The following SMYD3 variants were observed in gnomAD, a reference collection of about 807,000 sequenced individuals.
SMYD3 encodes the protein histone-lysine N-methyltransferase SMYD3.
A neutral mutation model predicts 57.7 loss-of-function variants in SMYD3; 36 were observed. The ratio of observed to expected loss-of-function variants is 0.62; its 90% CI spans 0.48 to 0.82. The LOEUF (loss-of-function observed/expected upper bound fraction) is 0.82. Among genes scored for constraint, SMYD3 ranks in the 40% least tolerant of loss-of-function variants. SMYD3 has a pLI of 0.00. For synonymous variants in SMYD3, 211 were observed against 195.0 expected (o/e 1.08, Z -0.68); for missense variants, 515 against 538.8 (o/e 0.96, Z 0.44).
chr1:246,086,030 G>C (rs2060715971), intron 5 of SMYD3, among the ~76,000 whole-genome samples: 3 of 151,334 alleles, frequency 2.0e-5, no homozygotes, highest in Admixed American at 2.0e-4. Flanking sequence ...CAAGAATCTA[G>C]CATGCCGAAT....
At chr1:246,470,524 T>A (rs200188325) in intron 1 of SMYD3, among the ~76,000 whole-genome samples, 16,301 of 144,772 alleles carry the variant, frequency 0.11, 1,022 homozygotes, top group East Asian at 0.26. Flanking sequence ...AAAAAAAATA[T>A]ATATATATAT....
At chr1:246,158,256 T>C (rs143825146) in intron 5 of SMYD3, among the ~76,000 whole-genome samples, 228 of 152,360 alleles carry the variant, frequency 1.5e-3, no homozygotes, top group Non-Finnish European at 2.9e-3. Context: ...CGTTGGTTTG[T>C]AATTGATGTA....
intron 5 of SMYD3, among the ~76,000 whole-genome samples, chr1:246,036,090 G>C (rs1392031530): frequency 6.6e-6 from 1 of 152,168 alleles, no homozygotes; most frequent in African/African-American, 2.4e-5. Flanking sequence ...AAAAATTTAA[G>C]AAACAGTACC....
At chr1:246,014,061 A>G (rs1203620534) in intron 5 of SMYD3, among the ~76,000 whole-genome samples, 1 of 152,350 alleles carries the variant, frequency 6.6e-6, no homozygotes, top group Middle Eastern at 3.4e-3. Context: ...GTGGTGGCTC[A>G]CGCCTGTAAT....
At chr1:246,155,930 T>C (rs934682746) in intron 5 of SMYD3, among the ~76,000 whole-genome samples, 2 of 151,870 alleles carry the variant, frequency 1.3e-5, no homozygotes, top group African/African-American at 2.4e-5. Flanking sequence ...GAGGTTGCAA[T>C]GAGCCAAGAT....
intron 5 of SMYD3, among the ~76,000 whole-genome samples, chr1:246,272,474 A>AT (rs1207399987): frequency 6.6e-6 from 1 of 152,052 alleles, no homozygotes; most frequent in Non-Finnish European, 1.5e-5. Flanking sequence ...GTGTTCAGTG[A>AT]TTTTTGTCAT....
intron 1 of SMYD3, among the ~76,000 whole-genome samples, chr1:246,434,844 C>T (rs552623371): frequency 2.0e-5 from 3 of 152,110 alleles, no homozygotes; most frequent in Admixed American, 6.6e-5. Context: ...GACACATGTA[C>T]GTATATGTTT....
chr1:245,842,343 T>C (rs1486884456), intron 10 of SMYD3, among the ~76,000 whole-genome samples: 1 of 152,202 alleles, frequency 6.6e-6, no homozygotes, highest in Non-Finnish European at 1.5e-5. Flanking sequence ...TGAACTGGCT[T>C]TTGATGAATT....
At chr1:246,072,389 TCACTGTGGCTGCA>T (rs1394348616) in intron 5 of SMYD3, among the ~76,000 whole-genome samples, 1 of 151,394 alleles carries the variant, frequency 6.6e-6, no homozygotes. Context: ...TCCACTGTGC[TCACTGTGGCTGCA>T]TCCTGTTAGT....
intron 10 of SMYD3, among the ~76,000 whole-genome samples, chr1:245,805,274 TTTA>T (rs141365920): frequency 0.047 from 7,111 of 152,156 alleles, 588 homozygotes; most frequent in African/African-American, 0.16. Context: ...GAGGGGCAAG[TTTA>T]TTATGTCCTC....
chr1:245,982,592 GGTTTT>G (rs2058620918), intron 5 of SMYD3, among the ~76,000 whole-genome samples: 1 of 152,004 alleles, frequency 6.6e-6, no homozygotes, highest in Non-Finnish European at 1.5e-5. Context: ...TTCTAATTCA[GGTTTT>G]GTTTTGTTTT....
chr1:246,088,433 C>A (rs908461819), intron 5 of SMYD3, among the ~76,000 whole-genome samples: 1 of 148,604 alleles, frequency 6.7e-6, no homozygotes, highest in South Asian at 2.2e-4. Context: ...CACGGTGAAA[C>A]CCCGTCTCTA....
chr1:246,437,485 G>A (rs1005678979), intron 1 of SMYD3, among the ~76,000 whole-genome samples: 2 of 152,162 alleles, frequency 1.3e-5, no homozygotes, highest in African/African-American at 2.4e-5. Context: ...CAAGCTAGCC[G>A]ATTGCCCTAT....
At chr1:246,081,201 T>C (rs1426889336) in intron 5 of SMYD3, among the ~76,000 whole-genome samples, 1 of 152,084 alleles carries the variant, frequency 6.6e-6, no homozygotes, top group Non-Finnish European at 1.5e-5. Context: ...AAAGTCAAAA[T>C]CTAAATCCCT....
Position 246,144,154 on chromosome 1 carries a change from C to T in SMYD3, c.531+183047G>A, listed in dbSNP as rs146967420. 1.3e-3 allele frequency among the ~76,000 whole-genome samples: 192 copies of T among 152,290 alleles called. 2 individuals carry two copies. Among genetic ancestry groups the T allele is most frequent in the African/African-American group, 4.2e-3 (175 of 41,558 alleles). On this transcript the variant is annotated intron_variant, in intron 5 of 11. Transcript: ENST00000490107. ...GCTGACAAGAGCTGACGGATACACC[C>T]GCCAGAGGACTACTAAAGATCGGGA... is the stretch of plus-strand genomic sequence containing the variant.
At chr1:245,964,412 C>A (rs1016386992) in intron 5 of SMYD3, among the ~76,000 whole-genome samples, 5 of 152,160 alleles carry the variant, frequency 3.3e-5, no homozygotes, top group Non-Finnish European at 7.3e-5. Context: ...TCTTTTTACC[C>A]AGTACATCAT....
intron 5 of SMYD3, among the ~76,000 whole-genome samples, chr1:246,228,251 T>C (rs1235907660): frequency 2.0e-5 from 3 of 152,136 alleles, no homozygotes; most frequent in Non-Finnish European, 4.4e-5. Context: ...ATTGCAGACG[T>C]GAGCCACTGC....
intron 5 of SMYD3, among the ~76,000 whole-genome samples, chr1:246,287,992 C>G (rs1171241212): frequency 6.6e-6 from 1 of 151,770 alleles, no homozygotes; most frequent in South Asian, 2.1e-4. Context: ...CCCCCACCCC[C>G]AGACACTTAG....
intron 1 of SMYD3, among the ~76,000 whole-genome samples, chr1:246,472,564 G>A (rs1400230249): frequency 4.6e-5 from 7 of 152,072 alleles, no homozygotes; most frequent in African/African-American, 1.7e-4. Flanking sequence ...GCAACAGAGT[G>A]AGACCCTGTC....
Sources: gnomAD v4.1 joint callset for allele counts (sites outside exome capture counted in the v4.1 genomes callset) on GRCh38, gnomAD v4.1.1 for gene constraint, MANE v1.5 for transcripts, NCBI Gene and HGNC (gene_info 2026-07-23, HGNC 2026-07-21) for gene names.